RBFOX1: variants seen among roughly 807,000 people sequenced by gnomAD.
The protein encoded by RBFOX1 is RNA binding protein fox-1 homolog 1.
Under a neutral mutation model 57.7 loss-of-function variants are expected in RBFOX1, and 8 were observed. The ratio of observed to expected loss-of-function variants is 0.14; its 90% CI spans 0.08 to 0.25. RBFOX1 has a LOEUF of 0.25. Ranked by LOEUF, RBFOX1 falls within the 10% of genes least tolerant of loss-of-function variation. The pLI, the probability that RBFOX1 is intolerant of heterozygous loss-of-function variation, is 1.00. For synonymous variants in RBFOX1, 326 were observed against 222.4 expected (o/e 1.47, Z -4.15); for missense variants, 611 against 548.5 (o/e 1.11, Z -1.14).
intron 4 of RBFOX1, among the ~76,000 whole-genome samples, chr16:7,361,942 G>A (rs1285579580): frequency 6.6e-6 from 1 of 150,592 alleles, no homozygotes; most frequent in Non-Finnish European, 1.5e-5. Context: ...GTGTATGTGT[G>A]TGCATGTTTT....
intron 3 of RBFOX1, among the ~76,000 whole-genome samples, chr16:6,761,671 T>C (rs1219315823): frequency 6.6e-6 from 1 of 151,678 alleles, no homozygotes; most frequent in Non-Finnish European, 1.5e-5. Flanking sequence ...CATGCCTGGC[T>C]AATATTTGTA....
intron 4 of RBFOX1, among the ~76,000 whole-genome samples, chr16:7,508,083 T>G (rs1001380381): frequency 2.0e-5 from 3 of 151,724 alleles, no homozygotes; most frequent in Admixed American, 1.3e-4. Flanking sequence ...ACCTCCCGGG[T>G]TCAAGCGATT....
chr16:7,665,790 T>G (rs6501009), intron 13 of RBFOX1, among the ~76,000 whole-genome samples: 98,034 of 151,840 alleles, frequency 0.65, 31,882 homozygotes, highest in Admixed American at 0.73. Context: ...TCAATGGGAT[T>G]ATATTTGTTT....
intron 1 of RBFOX1, among the ~76,000 whole-genome samples, chr16:5,387,311 C>T (rs760421761): frequency 6.6e-6 from 1 of 152,164 alleles, no homozygotes; most frequent in Non-Finnish European, 1.5e-5. Flanking sequence ...TCCACCCCCA[C>T]CTGTAGAGAT....
At chr16:7,172,741 G>A (rs1019360412) in intron 4 of RBFOX1, among the ~76,000 whole-genome samples, 7 of 152,184 alleles carry the variant, frequency 4.6e-5, no homozygotes, top group African/African-American at 1.7e-4. Flanking sequence ...TGGGGGCTCA[G>A]GTGGCAGACA....
intron 4 of RBFOX1, among the ~76,000 whole-genome samples, chr16:7,181,364 C>T (rs2082667537): frequency 6.6e-6 from 1 of 152,140 alleles, no homozygotes. Flanking sequence ...TCTACTTTTC[C>T]CTACCTTGTA....
chr16:6,989,937 G>T (rs1360552823), intron 3 of RBFOX1, among the ~76,000 whole-genome samples: 1 of 152,152 alleles, frequency 6.6e-6, no homozygotes, highest in Non-Finnish European at 1.5e-5. Flanking sequence ...GGAGGCAGAA[G>T]TTGCAGTGAA....
At chr16:5,278,661 A>C (rs1358510558) in intron 1 of RBFOX1, among the ~76,000 whole-genome samples, 1 of 152,190 alleles carries the variant, frequency 6.6e-6, no homozygotes, top group Admixed American at 6.5e-5. Flanking sequence ...AGTGTTAGCC[A>C]TGCAATCTTT....
At chr16:6,012,084 G>A (rs893915978) in intron 4 of RBFOX1, among the ~76,000 whole-genome samples, 19 of 152,182 alleles carry the variant, frequency 1.2e-4, no homozygotes, top group African/African-American at 4.6e-4. Flanking sequence ...CGTGGATTCT[G>A]TCATTTAATT....
At chr16:6,170,835 G>A (rs1598024892) in intron 1 of RBFOX1, among the ~76,000 whole-genome samples, 1 of 152,124 alleles carries the variant, frequency 6.6e-6, no homozygotes, top group East Asian at 1.9e-4. Flanking sequence ...GTGAGAACAT[G>A]CGGTATTTGG....
At chr16:5,510,434 C>G (rs1432715076) in intron 2 of RBFOX1, among the ~76,000 whole-genome samples, 1 of 152,150 alleles carries the variant, frequency 6.6e-6, no homozygotes, top group Non-Finnish European at 1.5e-5. Flanking sequence ...GGAGTTGGCA[C>G]TGGTGGAGCA....
intron 3 of RBFOX1, among the ~76,000 whole-genome samples, chr16:6,821,434 G>T (rs181643989): frequency 6.6e-6 from 1 of 152,232 alleles, no homozygotes; most frequent in Admixed American, 6.5e-5. Context: ...ATTTTTAAGT[G>T]AACAATTCAG....
chr16:5,636,312 C>A (rs1487313748), intron 3 of RBFOX1, among the ~76,000 whole-genome samples: 1 of 152,200 alleles, frequency 6.6e-6, no homozygotes, highest in African/African-American at 2.4e-5. Flanking sequence ...TGCGCCATTT[C>A]ACCCTAGCCT....
chr16:6,536,494 C>G (rs2096737241), intron 2 of RBFOX1, among the ~76,000 whole-genome samples: 1 of 152,116 alleles, frequency 6.6e-6, no homozygotes, highest in Non-Finnish European at 1.5e-5. Flanking sequence ...AGTAATGTGG[C>G]TTTGATGATG....
chr16:6,060,872 C>T (rs1239313253), intron 1 of RBFOX1, among the ~76,000 whole-genome samples: 2 of 152,210 alleles, frequency 1.3e-5, no homozygotes, highest in East Asian at 1.9e-4. Context: ...GTGTCTCCTT[C>T]TGTCTGTGCC....
intron 4 of RBFOX1, among the ~76,000 whole-genome samples, chr16:5,983,443 A>C (rs1461685977): frequency 6.6e-6 from 1 of 152,148 alleles, no homozygotes; most frequent in Non-Finnish European, 1.5e-5. Flanking sequence ...GAAAGGAGAT[A>C]AGGGCTGGGG....
At position 7,044,121 on chromosome 16, in the gene RBFOX1, C is replaced by T. The variant is rs1260552156; in HGVS notation, c.-15-7936C>T. 2.0e-5 allele frequency among the ~76,000 whole-genome samples: 3 copies of T among 152,084 alleles called. No homozygotes were observed. The East Asian group carries it at 5.8e-4, about 29-fold the overall frequency. ...CTTCTTTGCTGTTGTATTCCTGGCA[C>T]TTAGGACAGTGTCTGACATCCAGAA... On this transcript the variant is annotated intron_variant, in intron 3 of 15. Transcript: ENST00000550418.
intron 3 of RBFOX1, among the ~76,000 whole-genome samples, chr16:6,865,299 G>T (rs768329985): frequency 6.6e-6 from 1 of 151,676 alleles, no homozygotes; most frequent in Non-Finnish European, 1.5e-5. Context: ...CACCGTGCCC[G>T]ACCTGGAGTG....
intron 3 of RBFOX1, among the ~76,000 whole-genome samples, chr16:5,720,019 G>T (rs1180659714): frequency 6.6e-6 from 1 of 152,078 alleles, no homozygotes; most frequent in Non-Finnish European, 1.5e-5. Flanking sequence ...ACCATCGTAG[G>T]TTCCCATTCC....
Sources: allele counts gnomAD v4.1 joint callset (sites outside exome capture counted in the v4.1 genomes callset), GRCh38; gene constraint gnomAD v4.1.1; transcripts MANE v1.5; gene names NCBI Gene and HGNC (gene_info 2026-07-23, HGNC 2026-07-21).